Variants in RABEPK observed in about 807,000 individuals in gnomAD.
RABEPK encodes 40 kDa Rab9 effector protein.
A neutral mutation model predicts 34.1 loss-of-function variants in RABEPK; 27 were observed. The observed-to-expected ratio is 0.79, with a 90% confidence interval of 0.58 to 1.09. RABEPK has a LOEUF of 1.09. RABEPK is among the 50% of genes least tolerant of loss of function. The pLI is 0.00. For missense variants in RABEPK, 449 were observed against 462.6 expected (o/e 0.97, Z 0.27); for synonymous variants, 172 against 169.2 (o/e 1.02, Z -0.13).
rs762143063 is a variant in RABEPK, at chr9:125,203,020, C to A, written c.7C>A (p.Gln3Lys). The change falls in exon 2 of 8, where the codon CAA becomes AAA. Residue 3 changes from glutamine to lysine, a missense_variant. By Grantham distance (53) the Gln-to-Lys change is moderately conservative. Transcript: ENST00000373538. ...TTCTTATGCATAGGACACCATGAAGCAACTGCCAGTCTTGGAACCTGGAGA... is the reference window on the plus strand; with the variant it reads ...TTCTTATGCATAGGACACCATGAAGAAACTGCCAGTCTTGGAACCTGGAGA... MK[Q>K]LPVLEPGDKP... 1 of 1,613,598 alleles carries A rather than the reference C, an allele frequency of 6.2e-7. No individual in the cohort carries two copies.
At chr9:125,219,221 T>C (rs556922105) in intron 4 of RABEPK, among the ~76,000 whole-genome samples, 5 of 147,640 alleles carry the variant, frequency 3.4e-5, no homozygotes, top group Non-Finnish European at 7.5e-5. Flanking sequence ...TTTCAAGATA[T>C]GGTCTTACTC....
At chr9:125,208,196 C>T (rs1018696559) in intron 3 of RABEPK, among the ~76,000 whole-genome samples, 1 of 152,086 alleles carries the variant, frequency 6.6e-6, no homozygotes, top group Non-Finnish European at 1.5e-5. Flanking sequence ...AGGCCCCTGG[C>T]ACACATTCAT....
chr9:125,230,255 C>T (rs1040062239), intron 6 of RABEPK, among the ~76,000 whole-genome samples: 2 of 152,156 alleles, frequency 1.3e-5, no homozygotes, highest in African/African-American at 4.8e-5. Flanking sequence ...TGAACCACTG[C>T]TCCCGGCTCA....
intron 2 of RABEPK, among the ~76,000 whole-genome samples, chr9:125,205,275 C>T (rs930117529): frequency 2.0e-5 from 3 of 152,194 alleles, no homozygotes; most frequent in Non-Finnish European, 4.4e-5. Context: ...GTACTCCTTT[C>T]TACCACAATT....
At chr9:125,212,929 A>C (rs563622866) in intron 3 of RABEPK, among the ~76,000 whole-genome samples, 1 of 152,090 alleles carries the variant, frequency 6.6e-6, no homozygotes, top group Non-Finnish European at 1.5e-5. Context: ...GGGCCTCCCA[A>C]AGTGCTCGGA....
chr9:125,210,719 A>G (rs191993203), intron 3 of RABEPK, among the ~76,000 whole-genome samples: 4 of 151,684 alleles, frequency 2.6e-5, no homozygotes, highest in East Asian at 3.9e-4. Context: ...AAAAAAAAAA[A>G]AAAGAAAATA....
chr9:125,233,642 T>C, intron 7 of RABEPK, 46 bp from the exon 8 acceptor site: 1 of 1,581,016 alleles, frequency 6.3e-7, no homozygotes, highest in African/African-American at 1.3e-5. Context: ...GTGCCCGGCC[T>C]ATCTGGAAAT....
At chr9:125,226,416 C>T (rs538751260) in intron 5 of RABEPK, among the ~76,000 whole-genome samples, 9 of 151,336 alleles carry the variant, frequency 5.9e-5, no homozygotes, top group African/African-American at 9.7e-5. Context: ...GTTATTGAAA[C>T]ATTACTTATA....
chr9:125,210,507 C>G (rs902046378), intron 3 of RABEPK, among the ~76,000 whole-genome samples: 6 of 150,778 alleles, frequency 4.0e-5, no homozygotes, highest in African/African-American at 1.5e-4. Context: ...ATCACAAGGT[C>G]AGGAGATCGA....
At chr9:125,216,207 C>T (rs112364777) in intron 4 of RABEPK, among the ~76,000 whole-genome samples, 2,101 of 152,152 alleles carry the variant, frequency 0.014, 25 homozygotes, top group Middle Eastern at 0.044. Flanking sequence ...GCAGGAGGAT[C>T]GCTTGAACCC....
intron 3 of RABEPK, among the ~76,000 whole-genome samples, chr9:125,208,540 ATT>A (rs796283802): frequency 1.4e-5 from 2 of 138,546 alleles, no homozygotes; most frequent in Non-Finnish European, 3.2e-5. Context: ...TGCCCAGCTA[ATT>A]TTTTTTTTTT....
At chr9:125,200,952 C>G (rs1422052971) in intron 1 of RABEPK, 46 bp downstream of exon 1, 1 of 420,718 alleles carries the variant, frequency 2.4e-6, no homozygotes, top group Non-Finnish European at 4.9e-6. Context: ...TTTCTTCATT[C>G]ACTAGCCACT....
intron 5 of RABEPK, among the ~76,000 whole-genome samples, chr9:125,226,123 C>T (rs1205186101): frequency 1.3e-5 from 2 of 149,492 alleles, no homozygotes; most frequent in Non-Finnish European, 3.0e-5. Flanking sequence ...GCACTCCAGC[C>T]TGGGTAAGAG....
chr9:125,202,562 G>T (rs1186866305), intron 1 of RABEPK, among the ~76,000 whole-genome samples: 1 of 151,750 alleles, frequency 6.6e-6, no homozygotes, highest in Non-Finnish European at 1.5e-5. Context: ...AGGCACGGTG[G>T]CTCACACCTG....
At chr9:125,227,838 A>G (rs745330286) in intron 5 of RABEPK, 72 bp from the exon 6 acceptor site, 11 of 1,412,158 alleles carry the variant, frequency 7.8e-6, no homozygotes, top group Non-Finnish European at 1.0e-5. Context: ...GGTGCTACAG[A>G]GGCTTGGGCC....
At chr9:125,203,990 C>G (rs1440963482) in intron 2 of RABEPK, among the ~76,000 whole-genome samples, 1 of 141,728 alleles carries the variant, frequency 7.1e-6, no homozygotes, top group African/African-American at 2.6e-5. Flanking sequence ...TGAGATCATG[C>G]CACTGTACTC....
intron 6 of RABEPK, among the ~76,000 whole-genome samples, chr9:125,230,536 C>CTG (rs1428357805): frequency 2.0e-5 from 2 of 101,940 alleles, no homozygotes; most frequent in African/African-American, 3.7e-5. Flanking sequence ...CAGATGGAAA[C>CTG]TATTTTTTTT....
At chr9:125,204,392 G>C (rs879757852) in intron 2 of RABEPK, among the ~76,000 whole-genome samples, 2 of 152,126 alleles carry the variant, frequency 1.3e-5, no homozygotes, top group Admixed American at 1.3e-4. Flanking sequence ...GACCAGTCTG[G>C]CCAACATGGC....
chr9:125,211,316 AT>A (rs1301230156), intron 3 of RABEPK, among the ~76,000 whole-genome samples: 11 of 151,456 alleles, frequency 7.3e-5, no homozygotes, highest in African/African-American at 2.7e-4. Flanking sequence ...TGCCCCGCTA[AT>A]TTTTGTATTT....
Sources: gnomAD v4.1 joint callset for allele counts (sites outside exome capture counted in the v4.1 genomes callset) on GRCh38, gnomAD v4.1.1 for gene constraint, MANE v1.5 for transcripts, NCBI Gene and HGNC (gene_info 2026-07-23, HGNC 2026-07-21) for gene names.